FRMPD4: variants seen among roughly 807,000 people sequenced by gnomAD.
The protein encoded by FRMPD4 is FERM and PDZ domain-containing protein 4.
A neutral mutation model predicts 94.1 loss-of-function variants in FRMPD4; 22 were observed. The ratio of observed to expected loss-of-function variants is 0.23; its 90% CI spans 0.17 to 0.33. FRMPD4 has a LOEUF of 0.33. FRMPD4 is among the 10% of genes least tolerant of loss of function. FRMPD4 has a pLI of 1.00. For synonymous variants in FRMPD4, 631 were observed against 548.6 expected (o/e 1.15, Z -2.10); for missense variants, 1,111 against 1,339.9 (o/e 0.83, Z 2.67).
chrX:12,625,826 A>C (rs1248387144), intron 4 of FRMPD4, among the ~76,000 whole-genome samples: 2 of 112,191 alleles, frequency 1.8e-5, no homozygotes, highest in Non-Finnish European at 3.8e-5. Flanking sequence ...TTAAATGTTT[A>C]AGATGACAGA....
At chrX:12,312,657 A>G (rs1022322877) in intron 1 of FRMPD4, among the ~76,000 whole-genome samples, 22 of 111,506 alleles carry the variant, frequency 2.0e-4, no homozygotes, top group African/African-American at 7.2e-4. Context: ...TCACAAATAA[A>G]CTTCTTATTA....
At chrX:12,210,893 A>G (rs2056748413) in intron 1 of FRMPD4, among the ~76,000 whole-genome samples, 3 of 112,632 alleles carry the variant, frequency 2.7e-5, no homozygotes, top group South Asian at 7.4e-4. Flanking sequence ...TTAAACTTTC[A>G]GAAATATGAA....
At chrX:12,019,911 TATTA>T (rs1286940646) in intron 3 of FRMPD4, among the ~76,000 whole-genome samples, 1 of 112,291 alleles carries the variant, frequency 8.9e-6, no homozygotes, top group Non-Finnish European at 1.9e-5. Flanking sequence ...GCTTTGCATG[TATTA>T]ATTAGTTTAA....
chrX:12,668,321 C>T (rs1028095871), intron 4 of FRMPD4, among the ~76,000 whole-genome samples: 1 of 111,104 alleles, frequency 9.0e-6, no homozygotes. Context: ...AGAAGAAAAG[C>T]ATGTCCCTAG....
intron 1 of FRMPD4, among the ~76,000 whole-genome samples, chrX:12,481,104 G>A (rs867713832): frequency 4.0e-4 from 44 of 111,232 alleles, no homozygotes; most frequent in African/African-American, 1.2e-3. Flanking sequence ...AAGGGAGGAT[G>A]TGTTTCTGGA....
rs139591620 is a variant in FRMPD4, at chrX:12,537,583, T to A, written c.158+38787T>A. Among the ~76,000 whole-genome samples, 713 of 106,115 alleles carry A rather than the reference T, an allele frequency of 6.7e-3. 8 individuals carry two copies. The highest frequency in any genetic ancestry group is 0.024 in the African/African-American group (690 of 29,114). The allele number at this position is 106,115 out of a possible 115,157, so 92.1% of individuals were successfully genotyped here. ...TCCTCCCACTTCAGCCTCTGGAGTATCTGGGACTACATGTGCATGCCACCC... is the reference window on the plus strand; with the variant it reads ...TCCTCCCACTTCAGCCTCTGGAGTAACTGGGACTACATGTGCATGCCACCC... On this transcript the variant is annotated intron_variant, in intron 2 of 16. Transcript: ENST00000675598.
chrX:12,498,684 A>T lies in FRMPD4; in HGVS notation c.46A>T (p.Arg16Trp). The change falls in exon 2 of 17, where the codon AGG (arginine) becomes TGG (tryptophan). Residue 16 changes from arginine (R) to tryptophan (W), a missense_variant. By Grantham distance (101) the Arg-to-Trp change is moderately radical. Transcript: ENST00000675598. ...FVKIAKLSSH[R>W]TKSSGWPPPS... ...TTTTTTTTTTTTCTTTTCCAGCCACAGGACGAAGTCTTCAGGCTGGCCGCC... is the reference window on the plus strand; with the variant it reads ...TTTTTTTTTTTTCTTTTCCAGCCACTGGACGAAGTCTTCAGGCTGGCCGCC... 1 of 1,149,998 alleles carries T rather than the reference A, an allele frequency of 8.7e-7. No homozygotes were observed. The highest frequency in any genetic ancestry group is 1.2e-6 in the Non-Finnish European group (1 of 842,092). 94.8% of individuals were successfully genotyped at this position (1,149,998 alleles called of 1,213,427 possible). A position where few individuals can be genotyped will look rare whatever the true frequency, so the allele number is the denominator to read the frequency against.
intron 1 of FRMPD4, among the ~76,000 whole-genome samples, chrX:12,354,237 T>A (rs766320635): frequency 5.7e-4 from 64 of 112,259 alleles, no homozygotes; most frequent in Non-Finnish European, 1.1e-3. Flanking sequence ...ATCTCATTCA[T>A]GACATGTTAA....
intron 3 of FRMPD4, among the ~76,000 whole-genome samples, chrX:12,080,885 C>T (rs2055056757): frequency 8.9e-6 from 1 of 112,029 alleles, no homozygotes. Flanking sequence ...ATAAAGGCAT[C>T]AATATTGTAT....
rs140748483 is a variant in FRMPD4 at position 12,179,134 on chromosome X, T to G, written c.41+40122T>G. 4.7e-3 allele frequency among the ~76,000 whole-genome samples: 523 copies of G among 111,740 alleles called. 5 individuals are homozygous for G. Among genetic ancestry groups the G allele is most frequent in the African/African-American group, 0.016 (498 of 30,751 alleles). Reference sequence around the variant, plus strand: ...CTCTGACTATTGGTTCTTTTCCACATCATCTCTGATCCTCCAGGATGATAG... The same window carrying G: ...CTCTGACTATTGGTTCTTTTCCACAGCATCTCTGATCCTCCAGGATGATAG... On this transcript the variant is annotated intron_variant, in intron 1 of 16. Transcript: ENST00000675598.
At chrX:12,326,961 CA>C (rs199972983) in intron 1 of FRMPD4, among the ~76,000 whole-genome samples, 2 of 108,880 alleles carry the variant, frequency 1.8e-5, no homozygotes, top group Admixed American at 9.8e-5. Flanking sequence ...GACCCTGCAT[CA>C]AAAAAAAATT....
At position 12,686,121 on chromosome X, in the gene FRMPD4, C is replaced by A; in HGVS notation, c.598C>A (p.Leu200Ile). The A allele has an allele frequency of 8.5e-7, 1 of 1,182,731 alleles. No individual in the cohort carries two copies. Among genetic ancestry groups the A allele is most frequent in the Non-Finnish European group, 1.1e-6 (1 of 870,159 alleles). Residue 200 changes from leucine (L) to isoleucine (I), a missense_variant, in exon 7 of 17, where the codon CTT becomes ATT. Leu to Ile is a conservative substitution (Grantham distance 5). Coordinates refer to ENST00000675598, the MANE Select transcript of FRMPD4 (RefSeq NM_001368397.1). ...GGAAACTGTTAAGGACAACTCACTT[C>A]TTTTTATGCCAAATGTTTTGAAAGT... Reference protein sequence around the residue: ...VSETVKDNSLLFMPNVLKVYL... With the variant: ...VSETVKDNSLIFMPNVLKVYL...
At chrX:12,102,969 T>G (rs2055267790) in intron 3 of FRMPD4, among the ~76,000 whole-genome samples, 2 of 111,629 alleles carry the variant, frequency 1.8e-5, no homozygotes, top group South Asian at 7.6e-4. Flanking sequence ...GATGGCTTTT[T>G]TCTTATATGA....
chrX:11,988,604 A>G (rs1187853305), intron 3 of FRMPD4, among the ~76,000 whole-genome samples: 2 of 108,207 alleles, frequency 1.8e-5, no homozygotes, highest in Non-Finnish European at 3.8e-5. Context: ...GACAAATGAG[A>G]TCACATCAAG....
chrX:12,268,235 C>A (rs1185658065), intron 1 of FRMPD4, among the ~76,000 whole-genome samples: 1 of 112,266 alleles, frequency 8.9e-6, no homozygotes, highest in Admixed American at 9.4e-5. Context: ...TCATCACACA[C>A]CCATGGCCAA....
At chrX:12,357,312 A>G (rs2055909301) in intron 1 of FRMPD4, among the ~76,000 whole-genome samples, 1 of 112,307 alleles carries the variant, frequency 8.9e-6, no homozygotes, top group Non-Finnish European at 1.9e-5. Flanking sequence ...GACAACTAAC[A>G]TATATTGGAA....
intron 2 of FRMPD4, among the ~76,000 whole-genome samples, chrX:12,508,810 G>A (rs2058011934): frequency 9.2e-6 from 1 of 109,165 alleles, no homozygotes; most frequent in South Asian, 4.0e-4. Context: ...TGACCAATAT[G>A]GTGAAACCCC....
At chrX:12,189,513 A>G (rs750284222) in intron 1 of FRMPD4, among the ~76,000 whole-genome samples, 58 of 112,054 alleles carry the variant, frequency 5.2e-4, no homozygotes, top group African/African-American at 1.6e-3. Flanking sequence ...AAAATCCCCA[A>G]TGAAATATTA....
chrX:12,475,819 C>A (rs1204868151), intron 1 of FRMPD4, among the ~76,000 whole-genome samples: 1 of 111,594 alleles, frequency 9.0e-6, no homozygotes, highest in African/African-American at 3.3e-5. Context: ...ACAGAGGATA[C>A]AAACAAATGG....
Sources: gnomAD v4.1 joint callset for allele counts (sites outside exome capture counted in the v4.1 genomes callset) on GRCh38, gnomAD v4.1.1 for gene constraint, MANE v1.5 for transcripts, NCBI Gene and HGNC (gene_info 2026-07-23, HGNC 2026-07-21) for gene names.